Variants in MAPK8 observed in about 807,000 individuals in gnomAD.
The protein encoded by MAPK8 is mitogen-activated protein kinase 8.
MAPK8 carries 13 observed loss-of-function variants against 52.9 expected under a neutral mutation model. The observed-to-expected ratio is 0.25, with a 90% CI of 0.16 to 0.39. The LOEUF is 0.39. Among genes scored for constraint, MAPK8 ranks in the 10% least tolerant of loss-of-function variants. MAPK8 has a pLI of 1.00. For synonymous variants in MAPK8, 191 were observed against 169.8 expected (o/e 1.12, Z -0.97); for missense variants, 300 against 519.2 (o/e 0.58, Z 4.10).
chr10:48,355,536 ATGAAT>A (rs1018701881), intron 1 of MAPK8, among the ~76,000 whole-genome samples: 2 of 152,078 alleles, frequency 1.3e-5, no homozygotes, highest in African/African-American at 4.8e-5. Flanking sequence ...TCCTCAATAG[ATGAAT>A]TTAACTGCAG....
intron 1 of MAPK8, among the ~76,000 whole-genome samples, chr10:48,341,056 G>C (rs1845205689): frequency 6.6e-6 from 1 of 152,162 alleles, no homozygotes; most frequent in Non-Finnish European, 1.5e-5. Context: ...ATTTCTAGTT[G>C]TTACTGTAAG....
chr10:48,398,889 T>C (rs969564129), intron 1 of MAPK8, among the ~76,000 whole-genome samples: 8 of 152,134 alleles, frequency 5.3e-5, no homozygotes, highest in African/African-American at 1.4e-4. Flanking sequence ...AGGGAATGTA[T>C]TGAAGTAATG....
chr10:48,333,583 G>A (rs1844353060), intron 1 of MAPK8, among the ~76,000 whole-genome samples: 1 of 152,232 alleles, frequency 6.6e-6, no homozygotes, highest in African/African-American at 2.4e-5. Flanking sequence ...GCCTGGTTTA[G>A]CTCTTTCACT....
chr10:48,361,888 G>C (rs535034640), intron 1 of MAPK8, among the ~76,000 whole-genome samples: 1 of 152,122 alleles, frequency 6.6e-6, no homozygotes, highest in Non-Finnish European at 1.5e-5. Flanking sequence ...ACCCTTCCTG[G>C]CATGCAGACT....
chr10:48,326,228 A>T (rs1843506937), intron 1 of MAPK8, among the ~76,000 whole-genome samples: 1 of 152,218 alleles, frequency 6.6e-6, no homozygotes, highest in Non-Finnish European at 1.5e-5. Context: ...TAATTTGTTC[A>T]GTCATTTATA....
At chr10:48,367,975 A>G (rs1205649805) in intron 1 of MAPK8, among the ~76,000 whole-genome samples, 3 of 152,196 alleles carry the variant, frequency 2.0e-5, no homozygotes, top group Non-Finnish European at 2.9e-5. Context: ...TTATATTACA[A>G]TACCTACTTG....
chr10:48,429,211 A>G (rs897255225), intron 10 of MAPK8, among the ~76,000 whole-genome samples: 1 of 152,178 alleles, frequency 6.6e-6, no homozygotes, highest in African/African-American at 2.4e-5. Context: ...TGTAAGGCAC[A>G]CCATTATGTG....
At chr10:48,401,434 C>T (rs552623393) in intron 1 of MAPK8, among the ~76,000 whole-genome samples, 178 bp from the exon 2 acceptor site, 27 of 152,080 alleles carry the variant, frequency 1.8e-4, no homozygotes, top group African/African-American at 5.3e-4. Context: ...ATCAGTCATT[C>T]ATATGGCATA....
intron 1 of MAPK8, among the ~76,000 whole-genome samples, chr10:48,308,638 T>C (rs1841641199): frequency 6.6e-6 from 1 of 152,236 alleles, no homozygotes; most frequent in Non-Finnish European, 1.5e-5. Flanking sequence ...CATAAACTGG[T>C]ATTTCAGTAG....
intron 1 of MAPK8, among the ~76,000 whole-genome samples, chr10:48,326,883 G>C (rs1202382502): frequency 6.6e-6 from 1 of 152,148 alleles, no homozygotes; most frequent in African/African-American, 2.4e-5. Context: ...TCTTATAGCA[G>C]TATCAGAATT....
intron 5 of MAPK8, among the ~76,000 whole-genome samples, chr10:48,416,893 T>C (rs1380211920): frequency 6.6e-6 from 1 of 152,180 alleles, no homozygotes; most frequent in Non-Finnish European, 1.5e-5. Flanking sequence ...TATTGAAGAA[T>C]GTATTTTCCT....
At chr10:48,393,982 A>C (rs374868433) in intron 1 of MAPK8, among the ~76,000 whole-genome samples, 1 of 152,038 alleles carries the variant, frequency 6.6e-6, no homozygotes, top group East Asian at 1.9e-4. Flanking sequence ...ATAGGAATGA[A>C]AGAGGAGAGA....
intron 1 of MAPK8, among the ~76,000 whole-genome samples, chr10:48,400,440 GTCATTATAATAGTCTC>G (rs2042103071): frequency 6.6e-6 from 1 of 152,018 alleles, no homozygotes; most frequent in Admixed American, 6.5e-5. Flanking sequence ...TTTCATCTGA[GTCATTATAATAGTCTC>G]TCAAAAGTTC....
chr10:48,362,823 C>T (rs1015125190), intron 1 of MAPK8, among the ~76,000 whole-genome samples: 3 of 148,706 alleles, frequency 2.0e-5, no homozygotes, highest in South Asian at 2.1e-4. Flanking sequence ...TCACTGCAAC[C>T]TCCACCTCCC....
At chr10:48,352,959 C>A (rs543424101) in intron 1 of MAPK8, among the ~76,000 whole-genome samples, 1 of 151,826 alleles carries the variant, frequency 6.6e-6, no homozygotes, top group Non-Finnish European at 1.5e-5. Flanking sequence ...TAGCAATGAA[C>A]GTGTGAAAAC....
chr10:48,401,488 A>C (rs1386434266), intron 1 of MAPK8, 124 bp from the exon 2 acceptor site: 11 of 555,492 alleles, frequency 2.0e-5, no homozygotes. Context: ...ATGTTTTTTA[A>C]TGAAGCAGCT....
At chr10:48,390,424 AATAG>A (rs945655787) in intron 1 of MAPK8, among the ~76,000 whole-genome samples, 6 of 152,206 alleles carry the variant, frequency 3.9e-5, no homozygotes, top group East Asian at 3.8e-4. Flanking sequence ...GTTAAGTAAA[AATAG>A]ATAGGCTCTA....
chr10:48,356,287 T>C (rs1463065563), intron 1 of MAPK8, among the ~76,000 whole-genome samples: 2 of 152,150 alleles, frequency 1.3e-5, no homozygotes, highest in Non-Finnish European at 2.9e-5. Context: ...TAAAGACACA[T>C]AACTTTTCAG....
chr10:48,344,771 A>G (rs1057167458), intron 1 of MAPK8, among the ~76,000 whole-genome samples: 3 of 152,182 alleles, frequency 2.0e-5, no homozygotes, highest in Middle Eastern at 3.2e-3. Context: ...GTGTTTGTCA[A>G]TATGCCCAAA....
Sources: allele counts gnomAD v4.1 joint callset (sites outside exome capture counted in the v4.1 genomes callset), GRCh38; gene constraint gnomAD v4.1.1; transcripts MANE v1.5; gene names NCBI Gene and HGNC (gene_info 2026-07-23, HGNC 2026-07-21).